The following SEPTIN7 variants were observed in gnomAD, a reference collection of about 807,000 sequenced individuals.
SEPTIN7 encodes septin-7.
In SEPTIN7, 10 loss-of-function variants were observed where a neutral mutation model predicts 63.3. The ratio of observed to expected loss-of-function variants is 0.16; its 90% CI spans 0.10 to 0.27. The LOEUF (loss-of-function observed/expected upper bound fraction) is 0.27. SEPTIN7 is among the 10% of genes least tolerant of loss of function. The pLI is 1.00. For synonymous variants in SEPTIN7, 131 were observed against 165.3 expected (o/e 0.79, Z 1.59); for missense variants, 310 against 521.0 (o/e 0.59, Z 3.94).
intron 4 of SEPTIN7, among the ~76,000 whole-genome samples, chr7:35,867,410 C>T (rs1162120986): frequency 2.0e-5 from 3 of 152,112 alleles, no homozygotes; most frequent in African/African-American, 4.8e-5. Context: ...AGTATAGTGG[C>T]GCGATCTCGG....
intron 11 of SEPTIN7, among the ~76,000 whole-genome samples, chr7:35,893,980 G>A (rs1241378841): frequency 6.6e-6 from 1 of 152,260 alleles, no homozygotes; most frequent in Admixed American, 6.5e-5. Context: ...GGAGGGTAAT[G>A]GGTGGTTGAA....
chr7:35,883,848 G>C, intron 8 of SEPTIN7, 43 bp from the exon 9 acceptor site: 1 of 1,141,782 alleles, frequency 8.8e-7, no homozygotes, highest in Non-Finnish European at 1.3e-6. Context: ...GAATTTGTGA[G>C]GACTACAGAG....
chr7:35,899,405 AGT>A (rs1788164905), intron 12 of SEPTIN7: 1 of 152,148 alleles, frequency 6.6e-6, no homozygotes, highest in African/African-American at 2.4e-5. Flanking sequence ...TGTGGTGGTG[AGT>A]GCCTGTAATC....
intron 12 of SEPTIN7, chr7:35,902,012 TTGTA>T (rs1400419697): frequency 6.6e-6 from 1 of 150,508 alleles, no homozygotes; most frequent in Non-Finnish European, 1.5e-5. Context: ...CAAAAAAAAA[TTGTA>T]TGCAAAATTA....
At chr7:35,908,153 T>A (rs1448719019), downstream of SEPTIN7, among the ~76,000 whole-genome samples, 1 of 152,208 alleles carries the variant, frequency 6.6e-6, no homozygotes, top group African/African-American at 2.4e-5. Flanking sequence ...TCTTTGTAAG[T>A]AATGCCGAGA....
chr7:35,804,167 A>G (rs571217288), intron 1 of SEPTIN7, among the ~76,000 whole-genome samples: 2 of 152,178 alleles, frequency 1.3e-5, no homozygotes, highest in East Asian at 3.9e-4. Context: ...TTTATCCTGT[A>G]CTCCATGTAG....
intron 3 of SEPTIN7, among the ~76,000 whole-genome samples, chr7:35,863,021 G>A (rs928511021): frequency 3.9e-5 from 6 of 152,028 alleles, no homozygotes; most frequent in Admixed American, 3.3e-4. Context: ...TCTGGTTTGG[G>A]AGAAGCACCC....
intron 8 of SEPTIN7, 75 bp from the exon 9 acceptor site, chr7:35,883,816 T>A: frequency 1.3e-6 from 1 of 789,666 alleles, no homozygotes. Flanking sequence ...ACCTGTTGAG[T>A]AATGTAACTT....
intron 4 of SEPTIN7, among the ~76,000 whole-genome samples, chr7:35,867,475 G>A (rs538157941): frequency 3.2e-4 from 49 of 152,256 alleles, no homozygotes; most frequent in African/African-American, 9.1e-4. Context: ...TCAGCCTCCT[G>A]AGTACCTGGG....
intron 12 of SEPTIN7, 79 bp from the exon 13 acceptor site, chr7:35,902,997 A>C: frequency 6.8e-7 from 1 of 1,467,390 alleles, no homozygotes; most frequent in Non-Finnish European, 9.0e-7. Context: ...ACTCCTTATC[A>C]TTAGGGTGTC....
intron 1 of SEPTIN7, among the ~76,000 whole-genome samples, chr7:35,813,145 A>C (rs1334163766): frequency 1.3e-5 from 2 of 152,176 alleles, no homozygotes; most frequent in Non-Finnish European, 2.9e-5. Context: ...AAATATCCTC[A>C]TCAAGATGTT....
intron 10 of SEPTIN7, chr7:35,888,986 A>G (rs564671668): frequency 1.2e-5 from 3 of 257,240 alleles, no homozygotes; most frequent in East Asian, 1.9e-4. Flanking sequence ...TAAAATTCCT[A>G]TCATCTGCTA....
intron 1 of SEPTIN7, among the ~76,000 whole-genome samples, chr7:35,804,827 CTTTT>C (rs1295875115): frequency 1.6e-5 from 2 of 123,640 alleles, no homozygotes; most frequent in Non-Finnish European, 1.7e-5. Context: ...AAGCGTGTTT[CTTTT>C]TTTGTTTTTT....
chr7:35,837,107 C>G (rs771167558), intron 3 of SEPTIN7, among the ~76,000 whole-genome samples: 4 of 152,122 alleles, frequency 2.6e-5, no homozygotes, highest in Admixed American at 6.6e-5. Context: ...TTCCTTCTAG[C>G]TGTTAAATCT....
intron 1 of SEPTIN7, among the ~76,000 whole-genome samples, chr7:35,802,004 C>G (rs1457769805): frequency 6.6e-6 from 1 of 152,146 alleles, no homozygotes; most frequent in African/African-American, 2.4e-5. Context: ...GGAATTTGGG[C>G]TTAATTTTTA....
At chr7:35,861,451 T>C (rs1419017820) in intron 3 of SEPTIN7, among the ~76,000 whole-genome samples, 10 of 152,314 alleles carry the variant, frequency 6.6e-5, no homozygotes, top group South Asian at 4.1e-4. Flanking sequence ...CTCTGCTGAT[T>C]AGTTGAGCAT....
At chr7:35,903,433 T>C (rs1291865152) in intron 13 of SEPTIN7, among the ~76,000 whole-genome samples, 10 of 152,174 alleles carry the variant, frequency 6.6e-5, no homozygotes, top group Non-Finnish European at 1.5e-5. Context: ...TGACTTAATA[T>C]TCATAATTAT....
chr7:35,801,297 C>T, intron 1 of SEPTIN7, 27 bp downstream of exon 1: 2 of 1,517,276 alleles, frequency 1.3e-6, no homozygotes, highest in Non-Finnish European at 1.8e-6. Flanking sequence ...GGTGCCGCGA[C>T]TTGGGGTCAG....
In SEPTIN7 at chr7:35,886,460, TAGAAAAGCAGC is replaced by T. The variant is rs1787251808; in HGVS notation, c.872+584_872+594del. On this transcript the variant is annotated intron_variant, in intron 10 of 13. Coordinates refer to ENST00000350320, the MANE Select transcript of SEPTIN7 (RefSeq NM_001788.6). ...TAAAGAGGATCTCTTACTAATGAAT[TAGAAAAGCAGC>T]AGCAGAGAGGAAATCATGAAGAAAA... is the stretch of plus-strand genomic sequence containing the variant. Among the ~76,000 whole-genome samples, 5 of 152,188 alleles carry T rather than the reference TAGAAAAGCAGC, an allele frequency of 3.3e-5. No individual in the cohort carries two copies. The South Asian group carries it at 1.0e-3, about 32-fold the overall frequency.
Sources: gnomAD v4.1 joint callset for allele counts (sites outside exome capture counted in the v4.1 genomes callset) on GRCh38, gnomAD v4.1.1 for gene constraint, MANE v1.5 for transcripts, NCBI Gene and HGNC (gene_info 2026-07-23, HGNC 2026-07-21) for gene names.